Variants in CADPS2 observed in about 807,000 individuals in gnomAD.
CADPS2 encodes calcium dependent secretion activator 2, also known as calcium-dependent secretion activator 2.
Under a neutral mutation model 172.5 loss-of-function variants are expected in CADPS2, and 93 were observed. The observed-to-expected ratio is 0.54, with a 90% CI of 0.46 to 0.64. The LOEUF is 0.64. Among genes scored for constraint, CADPS2 ranks in the 30% least tolerant of loss-of-function variants. CADPS2 has a pLI of 0.00. For missense variants in CADPS2, 1,420 were observed against 1,565.9 expected (o/e 0.91, Z 1.57); for synonymous variants, 546 against 555.2 (o/e 0.98, Z 0.23).
chr7:122,835,828 G>A (rs149014731), intron 1 of CADPS2, among the ~76,000 whole-genome samples: 2,924 of 152,286 alleles, frequency 0.019, 45 homozygotes, highest in East Asian at 0.056. Flanking sequence ...GTGACGGGGA[G>A]AATGGAACCA....
chr7:122,569,359 C>A (rs909765913), intron 7 of CADPS2, among the ~76,000 whole-genome samples: 1 of 151,914 alleles, frequency 6.6e-6, no homozygotes, highest in Non-Finnish European at 1.5e-5. Context: ...GAACTACAAA[C>A]CACTGCTCAA....
chr7:122,862,312 G>A (rs761233356), intron 1 of CADPS2, among the ~76,000 whole-genome samples: 1 of 152,174 alleles, frequency 6.6e-6, no homozygotes, highest in Non-Finnish European at 1.5e-5. Flanking sequence ...GGAGGCTAAG[G>A]AACCCTAACA....
At chr7:122,463,076 C>T (rs969075593) in intron 14 of CADPS2, among the ~76,000 whole-genome samples, 1 of 152,168 alleles carries the variant, frequency 6.6e-6, no homozygotes, top group African/African-American at 2.4e-5. Flanking sequence ...ACAGATCAAA[C>T]AGGCAAGAAT....
intron 2 of CADPS2, among the ~76,000 whole-genome samples, chr7:122,675,994 A>C (rs188894081): frequency 6.6e-6 from 1 of 152,130 alleles, no homozygotes. Context: ...AAAAAAAACA[A>C]CAACAAAAAA....
intron 11 of CADPS2, among the ~76,000 whole-genome samples, chr7:122,483,221 AAC>A (rs1248941738): frequency 6.6e-6 from 1 of 152,198 alleles, no homozygotes; most frequent in Non-Finnish European, 1.5e-5. Context: ...ATTGCTCAAA[AAC>A]AGTGTTAAAG....
At chr7:122,491,286 G>C in intron 10 of CADPS2, 26 bp downstream of exon 10, 1 of 1,468,742 alleles carries the variant, frequency 6.8e-7, no homozygotes, top group Non-Finnish European at 9.4e-7. Flanking sequence ...ATACATGGCA[G>C]GAAAAGTGAT....
At chr7:122,635,760 C>T (rs1228262994) in intron 3 of CADPS2, among the ~76,000 whole-genome samples, 2 of 152,084 alleles carry the variant, frequency 1.3e-5, no homozygotes, top group Non-Finnish European at 2.9e-5. Context: ...TCAAGAAGAA[C>T]CCATTTTATG....
intron 1 of CADPS2, among the ~76,000 whole-genome samples, chr7:122,867,340 GA>G (rs779780224): frequency 6.6e-6 from 1 of 152,134 alleles, no homozygotes; most frequent in Non-Finnish European, 1.5e-5. Flanking sequence ...CTCTCCAAGA[GA>G]AATAATCCAG....
intron 11 of CADPS2, among the ~76,000 whole-genome samples, chr7:122,481,907 T>C (rs1434863882): frequency 6.6e-6 from 1 of 151,596 alleles, no homozygotes; most frequent in Admixed American, 6.6e-5. Context: ...GCTGCTGAGA[T>C]TACTTGGGAG....
At chr7:122,759,211 C>G (rs542112630) in intron 1 of CADPS2, among the ~76,000 whole-genome samples, 2 of 152,234 alleles carry the variant, frequency 1.3e-5, no homozygotes, top group South Asian at 4.1e-4. Flanking sequence ...ACCTGACTGA[C>G]ATCTTTCAGC....
At chr7:122,657,026 T>A (rs1034773321) in intron 3 of CADPS2, among the ~76,000 whole-genome samples, 2 of 152,204 alleles carry the variant, frequency 1.3e-5, no homozygotes, top group African/African-American at 4.8e-5. Context: ...TTTCTACATA[T>A]GGCTAGCCAG....
chr7:122,674,578 T>A (rs990274518), intron 2 of CADPS2, among the ~76,000 whole-genome samples: 31 of 152,206 alleles, frequency 2.0e-4, no homozygotes, highest in African/African-American at 6.8e-4. Context: ...AGAAACTATA[T>A]CTGCCAAAAG....
intron 3 of CADPS2, among the ~76,000 whole-genome samples, chr7:122,641,977 T>C (rs953850878): frequency 1.3e-5 from 2 of 152,022 alleles, no homozygotes; most frequent in Non-Finnish European, 1.5e-5. Context: ...AAGATAGAAA[T>C]ATTAAAAATG....
chr7:122,873,528 C>A (rs1461741299), intron 1 of CADPS2, among the ~76,000 whole-genome samples: 1 of 152,164 alleles, frequency 6.6e-6, no homozygotes, highest in Non-Finnish European at 1.5e-5. Flanking sequence ...GCATAGTATT[C>A]CGTGGTGTAT....
chr7:122,446,430 A>C (rs1214971125), intron 15 of CADPS2, among the ~76,000 whole-genome samples: 1 of 152,142 alleles, frequency 6.6e-6, no homozygotes, highest in Non-Finnish European at 1.5e-5. Flanking sequence ...TAGGTGAATC[A>C]GAGTTGTGTT....
At chr7:122,778,727 G>A (rs1038923830) in intron 1 of CADPS2, among the ~76,000 whole-genome samples, 4 of 152,244 alleles carry the variant, frequency 2.6e-5, no homozygotes, top group Admixed American at 1.3e-4. Flanking sequence ...TGTTGAGCCT[G>A]TGGGTGCACA....
At chr7:122,830,983 AG>A (rs1431526639) in intron 1 of CADPS2, among the ~76,000 whole-genome samples, 1 of 152,190 alleles carries the variant, frequency 6.6e-6, no homozygotes, top group African/African-American at 2.4e-5. Flanking sequence ...CAGGAAGAAA[AG>A]TCCAACATCA....
intron 1 of CADPS2, among the ~76,000 whole-genome samples, chr7:122,798,051 G>A (rs1218895654): frequency 6.7e-6 from 1 of 149,888 alleles, no homozygotes; most frequent in Non-Finnish European, 1.5e-5. Context: ...TTGTCACAGA[G>A]CAAGTTCAAT....
At chr7:122,555,334 T>G (rs1321042728) in intron 7 of CADPS2, among the ~76,000 whole-genome samples, 1 of 152,066 alleles carries the variant, frequency 6.6e-6, no homozygotes, top group African/African-American at 2.4e-5. Context: ...CTTCACAGAA[T>G]CAACCCAGGA....
Sources: gnomAD v4.1 joint callset for allele counts (sites outside exome capture counted in the v4.1 genomes callset) on GRCh38, gnomAD v4.1.1 for gene constraint, MANE v1.5 for transcripts, NCBI Gene and HGNC (gene_info 2026-07-23, HGNC 2026-07-21) for gene names.